The following ALDH1L1 variants were observed in gnomAD, a reference collection of about 807,000 sequenced individuals.
ALDH1L1 encodes cytosolic 10-formyltetrahydrofolate dehydrogenase.
A neutral mutation model predicts 101.1 loss-of-function variants in ALDH1L1; 68 were observed. The observed-to-expected ratio is 0.67, with a 90% confidence interval of 0.55 to 0.82. ALDH1L1 has a LOEUF of 0.82. Among genes scored for constraint, ALDH1L1 ranks in the 40% least tolerant of loss-of-function variants. The probability of loss-of-function intolerance (pLI) is 0.00; values close to 1 mark genes in which losing one functional copy is unlikely to be tolerated. For missense variants in ALDH1L1, 1,087 were observed against 1,172.7 expected, an observed-to-expected ratio of 0.93 and a Z score of 1.07; for synonymous variants, 486 against 470.8, an observed-to-expected ratio of 1.03 and a Z score of -0.42.
chr3:126,127,406 C>T (rs2080210187), intron 14 of ALDH1L1, among the ~76,000 whole-genome samples: 1 of 152,192 alleles, frequency 6.6e-6, no homozygotes, highest in Non-Finnish European at 1.5e-5. Context: ...GCCCGTCCCT[C>T]CCTCCCTTGG....
chr3:126,164,541 A>G (rs940535531), intron 1 of ALDH1L1, among the ~76,000 whole-genome samples: 1 of 152,204 alleles, frequency 6.6e-6, no homozygotes, highest in African/African-American at 2.4e-5. Flanking sequence ...TGTTGCTGCA[A>G]AAGACATGCT....
intron 1 of ALDH1L1, among the ~76,000 whole-genome samples, chr3:126,173,008 A>G (rs2081310475): frequency 6.6e-6 from 1 of 152,224 alleles, no homozygotes; most frequent in Non-Finnish European, 1.5e-5. Flanking sequence ...ATCTGTATGC[A>G]GTAAAATTGT....
chr3:126,123,635 C>A (rs866373659), intron 16 of ALDH1L1, among the ~76,000 whole-genome samples: 141 of 128,698 alleles, frequency 1.1e-3, no homozygotes, highest in South Asian at 1.3e-3. Flanking sequence ...CAAAAAGCTG[C>A]AAAAAAAAAA....
chr3:126,162,646 T>C (rs139068701), intron 1 of ALDH1L1, among the ~76,000 whole-genome samples: 1 of 152,358 alleles, frequency 6.6e-6, no homozygotes, highest in East Asian at 1.9e-4. Context: ...GGCTTGCCTT[T>C]TTCATCCTCG....
chr3:126,170,068 AT>A (rs1166655755), intron 1 of ALDH1L1, among the ~76,000 whole-genome samples: 3 of 152,252 alleles, frequency 2.0e-5, no homozygotes, highest in Non-Finnish European at 2.9e-5. Context: ...ATGTAAAAAA[AT>A]AAATAAGAAA....
rs1008941507 is a variant in ALDH1L1 at position 126,153,506 on chromosome 3, C to A, written c.796G>T (p.Ala266Ser). The A allele has an allele frequency of 1.2e-6, 2 of 1,614,152 alleles. No homozygotes were observed. The highest frequency in any genetic ancestry group is 2.7e-5 in the African/African-American group (2 of 75,036). ...TTGGTGACCACCCCTGGCCGATGGG[C>A]TCCTGGGATGGGCAAAGCGTCTCCC... ...PEGDALPIPG[A>S]HRPGVVTKAG... Residue 266 changes from alanine to serine, a missense_variant, in exon 7 of 23, where the codon GCC (alanine) becomes TCC (serine). This residue lies in a region of ALDH1L1 where 645 missense variants were observed against 637.0 expected (regional missense o/e 1.01). Transcript: ENST00000393434.
At chr3:126,137,081 A>C (rs760890005) in intron 10 of ALDH1L1, among the ~76,000 whole-genome samples, 198 bp from the exon 11 acceptor site, 17 of 152,176 alleles carry the variant, frequency 1.1e-4, no homozygotes, top group Non-Finnish European at 2.2e-4. Flanking sequence ...CTGCGCTTCC[A>C]CCTACTCCCT....
At chr3:126,180,676 C>G, upstream of ALDH1L1, 1 of 1,360,226 alleles carries the variant, frequency 7.4e-7, no homozygotes, top group Non-Finnish European at 9.5e-7. Context: ...GGGGGCGGCG[C>G]TCACCGGTGG....
rs16837178 is a variant in ALDH1L1 at position 126,153,450 on chromosome 3, G to C, written c.852C>G (p.Asp284Glu). ...CCCACAGCCGTGCCCTTACCATTTT[G>C]TCATCATTCCCAAAGAGGATGAGTC... ...KAGLILFGND[D>E]KMLLVKNIQL... is the part of the protein sequence containing the mutation. The change falls in exon 7 of 23, where the codon GAC (aspartate) becomes GAG (glutamate). Residue 284 changes from aspartate (D) to glutamate (E), a missense_variant. Asp to Glu is a conservative substitution (Grantham distance 45). Transcript: ENST00000393434. The C allele has an allele frequency of 6.2e-7, 1 of 1,613,806 alleles. No homozygotes were observed. Among genetic ancestry groups the C allele is most frequent in the Middle Eastern group, 1.6e-4 (1 of 6,062 alleles).
intron 1 of ALDH1L1, among the ~76,000 whole-genome samples, chr3:126,163,912 T>C (rs1416223772): frequency 1.3e-5 from 2 of 152,100 alleles, no homozygotes; most frequent in Non-Finnish European, 2.9e-5. Context: ...GGTGGGCAGA[T>C]TGCTAGAGGC....
At chr3:126,181,362 A>C (rs908095945), upstream of ALDH1L1, 2 of 326,442 alleles carry the variant, frequency 6.1e-6, no homozygotes, top group Non-Finnish European at 1.2e-5. Flanking sequence ...GTGCCCTGCT[A>C]AGCCTCACTT....
chr3:126,168,399 A>T (rs1017971901), intron 1 of ALDH1L1, among the ~76,000 whole-genome samples: 1 of 152,176 alleles, frequency 6.6e-6, no homozygotes, highest in Non-Finnish European at 1.5e-5. Flanking sequence ...TTTCATTAAA[A>T]TTAAAGTTAA....
chr3:126,128,423 T>C (rs1171123375), intron 14 of ALDH1L1: 1 of 151,966 alleles, frequency 6.6e-6, no homozygotes, highest in African/African-American at 2.4e-5. Flanking sequence ...CATTTGACAG[T>C]TGGGGAGACT....
intron 20 of ALDH1L1, among the ~76,000 whole-genome samples, chr3:126,109,497 T>C (rs1046706432): frequency 2.0e-5 from 3 of 152,092 alleles, no homozygotes; most frequent in Non-Finnish European, 2.9e-5. Flanking sequence ...GGGTCTGAGC[T>C]GCTGCAGGGG....
chr3:126,168,595 T>C (rs2081214786), intron 1 of ALDH1L1, among the ~76,000 whole-genome samples: 1 of 152,002 alleles, frequency 6.6e-6, no homozygotes, highest in South Asian at 2.1e-4. Flanking sequence ...ATATCGAGGG[T>C]TTTAAATTTT....
intron 2 of ALDH1L1, 25 bp from the exon 3 acceptor site, chr3:126,158,664 G>T (rs1708075974): frequency 4.4e-6 from 7 of 1,601,540 alleles, no homozygotes; most frequent in Non-Finnish European, 6.0e-6. Flanking sequence ...ATAAGAAACT[G>T]GCCCCTCTCC....
chr3:126,180,865 T>A (rs11928630), upstream of ALDH1L1: 8,612 of 1,564,954 alleles, frequency 5.5e-3, 374 homozygotes, highest in African/African-American at 0.097. Flanking sequence ...CTGGCAGTTC[T>A]GAGCGCTGGC....
At chr3:126,185,603 G>A (rs1344712110), upstream of ALDH1L1, among the ~76,000 whole-genome samples, 1 of 152,160 alleles carries the variant, frequency 6.6e-6, no homozygotes, top group Non-Finnish European at 1.5e-5. Flanking sequence ...GTGGGGATGT[G>A]GGTTGTTTTT....
intron 4 of ALDH1L1, among the ~76,000 whole-genome samples, chr3:126,157,053 A>G (rs534317106): frequency 1.3e-5 from 2 of 152,178 alleles, no homozygotes; most frequent in Non-Finnish European, 2.9e-5. Flanking sequence ...GGTGTGACCC[A>G]GTCCCTGCCT....
Sources: allele counts gnomAD v4.1 joint callset (sites outside exome capture counted in the v4.1 genomes callset), GRCh38; gene constraint gnomAD v4.1.1; regional missense constraint gnomAD v4.1.1; transcripts MANE v1.5; gene names NCBI Gene and HGNC (gene_info 2026-07-23, HGNC 2026-07-21).